MDC1: variants seen among roughly 807,000 people sequenced by gnomAD.
The protein encoded by MDC1 is mediator of DNA damage checkpoint protein 1.
A neutral mutation model predicts 142.5 loss-of-function variants in MDC1; 81 were observed. That is an observed-to-expected ratio of 0.57 (90% CI 0.47 to 0.68). The LOEUF (loss-of-function observed/expected upper bound fraction) is 0.68. MDC1 is among the 30% of genes least tolerant of loss of function. The pLI is 0.00. For synonymous variants in MDC1, 797 were observed against 968.4 expected (o/e 0.82, Z 3.29); for missense variants, 2,119 against 2,547.9 (o/e 0.83, Z 3.62).
chr6:30,708,146 A>G lies in MDC1; in HGVS notation c.2433T>C (p.Asp811=), dbSNP rs1405131141. Residue 811 remains aspartate, a synonymous_variant, in exon 8 of 15, where the codon GAT becomes GAC. Transcript: ENST00000376406. ...TTTCTTTTGGTATACCCATGACTTT[A>G]TCCACAGTCTGCCTCCCTCTGCCTT... ...GIQGRGRQTV[D]KVMGIPKETA... 6.2e-7 allele frequency: 1 copy of G among 1,612,712 alleles called. No homozygotes were observed. The highest frequency in any genetic ancestry group is 1.3e-5 in the African/African-American group (1 of 74,802).
In MDC1 at chr6:30,713,668, G is replaced by C. The variant is rs763488844; in HGVS notation, c.567C>G (p.Ser189=). 21 of 1,614,070 alleles carry C rather than the reference G, an allele frequency of 1.3e-5. No homozygotes were observed. In the South Asian group the frequency reaches 1.8e-4, roughly 14 times the overall value. ...RMVKKSRTTS[S]SVIVPESDEE... is the part of the protein sequence containing the mutation. ...CTCACCTCTCTGGAACTATCACAGA[G>C]GAAGATGTGGTCCTTGATTTTTTTA... The change falls in exon 4 of 15, where the codon TCC becomes TCG. Residue 189 remains serine, a synonymous_variant. Coordinates refer to ENST00000376406, the MANE Select transcript of MDC1 (RefSeq NM_014641.3). The surrounding 1 kb of genome is among the most constrained non-coding windows in gnomAD (Gnocchi z 4.9).
chr6:30,712,336 T>C lies in MDC1; in HGVS notation c.1606A>G (p.Ile536Val). The C allele has an allele frequency of 6.2e-7, 1 of 1,613,122 alleles. No homozygotes were observed. The highest frequency in any genetic ancestry group is 8.5e-7 in the Non-Finnish European group (1 of 1,180,046). ...GACACCTGATGCTTCTTTATATGTA[T>C]AATGGCTGACCCTGGCGGGACTTCC... ...EKEVPPGSAI[I>V]HIKKHQVSVE... The change falls in exon 5 of 15, where the codon ATA becomes GTA. Residue 536 changes from isoleucine to valine, a missense_variant. By Grantham distance (29) the Ile-to-Val change is conservative. Transcript: ENST00000376406. The surrounding 1 kb of genome is among the most constrained non-coding windows in gnomAD (Gnocchi z 4.7).
At chr6:30,714,278 C>A in intron 2 of MDC1, 95 bp from the exon 3 acceptor site, 13 of 1,302,080 alleles carry the variant, frequency 1.0e-5, no homozygotes, top group Non-Finnish European at 1.3e-5. Flanking sequence ...TCACTCAAGG[C>A]CTCCATATGC....
Position 30,717,000 on chromosome 6 carries a change from T to A in MDC1, c.-4+245A>T. The A allele has an allele frequency of 1.3e-6, 1 of 761,772 alleles. No homozygotes were observed. The highest frequency in any genetic ancestry group is 1.6e-6 in the Non-Finnish European group (1 of 625,938). 47.2% of individuals were successfully genotyped at this position (761,772 alleles called of 1,614,324 possible). On this transcript the variant is annotated intron_variant, in intron 1 of 14. Coordinates refer to ENST00000376406, the MANE Select transcript of MDC1 (RefSeq NM_014641.3). This position sits in a 1 kb window ranked among gnomAD's most constrained non-coding sequence, Gnocchi z 4.4. The stretch of plus-strand genomic sequence containing the variant: ...CAACTCAGCGGGTGCCCACCACGCT[T>A]GGCTCCAATTCAAAGAGCCACCATC...
chr6:30,710,925 T>C (rs758612440), intron 7 of MDC1, among the ~76,000 whole-genome samples: 30 of 152,034 alleles, frequency 2.0e-4, no homozygotes, highest in Middle Eastern at 3.4e-3. Context: ...TGGGCTAATT[T>C]TTTCATTTTT....
chr6:30,705,933 C>T lies in MDC1; in HGVS notation c.3250G>A (p.Asp1084Asn). 1 of 1,613,860 alleles carries T rather than the reference C, an allele frequency of 6.2e-7. No individual in the cohort carries two copies. The highest frequency in any genetic ancestry group is 8.5e-7 in the Non-Finnish European group (1 of 1,179,896). ...IKPTVRKTRQ[D>N]GSQEAPEAPL... Reference sequence around the variant, plus strand: ...GCCTCTGGAGCTTCCTGACTCCCATCTTGCCTGGTCTTACGAACGGTTGGC... The same window carrying T: ...GCCTCTGGAGCTTCCTGACTCCCATTTTGCCTGGTCTTACGAACGGTTGGC... Residue 1084 changes from aspartate to asparagine, a missense_variant, in exon 10 of 15, where the codon GAT becomes AAT. Physicochemically the swap from Asp to Asn is conservative, Grantham distance 23 (BLOSUM62 1). Coordinates refer to ENST00000376406, the MANE Select transcript of MDC1 (RefSeq NM_014641.3).
chr6:30,700,381 C>T lies in MDC1; in HGVS notation c.*84G>A. ...TTCCAGGACAAGTTGTATCAATATA[C>T]CCCAATCCTTTCTAACGCCCTGAGT... On this transcript the variant is annotated 3_prime_UTR_variant, in exon 15 of 15. Transcript: ENST00000376406. 6.9e-7 allele frequency: 1 copy of T among 1,447,276 alleles called. No individual in the cohort carries two copies. The highest frequency in any genetic ancestry group is 9.4e-7 in the Non-Finnish European group (1 of 1,058,518). 89.7% of individuals were successfully genotyped at this position (1,447,276 alleles called of 1,614,324 possible). A position where few individuals can be genotyped will look rare whatever the true frequency, so the allele number is the denominator to read the frequency against.
chr6:30,707,589 ACT>A lies in MDC1; in HGVS notation c.2988_2989del (p.Val997GlufsTer18). The A allele has an allele frequency of 6.2e-7, 1 of 1,612,224 alleles. No individual in the cohort carries two copies. The highest frequency in any genetic ancestry group is 8.5e-7 in the Non-Finnish European group (1 of 1,179,388). On this transcript the variant is annotated frameshift_variant, in exon 8 of 15. Transcript: ENST00000376406. LOFTEE classifies it high-confidence loss of function. ...ACCTTTCTGATGCCTCCTGGGGCTC[ACT>A]GGGGATCCCCTTCCACCTGACTGGC...
At position 30,713,685 on chromosome 6, in the gene MDC1, A is replaced by AT. The variant is rs1185288475; in HGVS notation, c.549dup (p.Ser184IlefsTer14). On this transcript the variant is annotated frameshift_variant, in exon 4 of 15. Coordinates refer to ENST00000376406, the MANE Select transcript of MDC1 (RefSeq NM_014641.3). LOFTEE classifies it high-confidence loss of function. The surrounding 1 kb of genome is among the most constrained non-coding windows in gnomAD (Gnocchi z 4.9). The stretch of plus-strand genomic sequence containing the variant: ...ATCACAGAGGAAGATGTGGTCCTTG[A>AT]TTTTTTTACCATACGCCTTTCAGAA... 4 of 1,613,988 alleles carry AT rather than the reference A, an allele frequency of 2.5e-6. No homozygotes were observed. The African/African-American group carries it at 5.3e-5, about 22-fold the overall frequency.
Position 30,705,477 on chromosome 6 carries a change from A to G in MDC1, c.3706T>C (p.Ser1236Pro), listed in dbSNP as rs981763303. ...ACAACTGGTTCAGGGGTCTTGACAG[A>G]GGATCTATTTTTTCTTCCCCTAGTA... Reference protein sequence around the residue: ...QATRGRKNRSSVKTPEPVVPT... With the variant: ...QATRGRKNRSPVKTPEPVVPT... Residue 1236 changes from serine to proline, a missense_variant, in exon 10 of 15, where the codon TCT becomes CCT. Transcript: ENST00000376406. The G allele has an allele frequency of 6.2e-7, 1 of 1,604,472 alleles. No homozygotes were observed. The highest frequency in any genetic ancestry group is 1.4e-5 in the African/African-American group (1 of 72,768).
Position 30,709,024 on chromosome 6 carries a change from A to G in MDC1, c.2222-667T>C, listed in dbSNP as rs1234787821. ...AGAAAGAAAAACATCATAGCCTAAT[A>G]AGAGAGTTCCCTGAATAGTCTCTCT... On this transcript the variant is annotated intron_variant, in intron 7 of 14. Coordinates refer to ENST00000376406, the MANE Select transcript of MDC1 (RefSeq NM_014641.3). This position sits in a 1 kb window ranked among gnomAD's most constrained non-coding sequence, Gnocchi z 4.2. Among the ~76,000 whole-genome samples the G allele has an allele frequency of 6.6e-6, 1 of 152,092 alleles. No homozygotes were observed. The highest frequency in any genetic ancestry group is 2.4e-5 in the African/African-American group (1 of 41,380).
At chr6:30,711,165 G>A (rs1321397654) in intron 7 of MDC1, among the ~76,000 whole-genome samples, 11 of 152,122 alleles carry the variant, frequency 7.2e-5, no homozygotes, top group South Asian at 4.1e-4. Flanking sequence ...ACTTGAGGTC[G>A]GGAGTTTGTG....
chr6:30,714,857 C>T (rs1041568721), intron 2 of MDC1, among the ~76,000 whole-genome samples, 183 bp downstream of exon 2: 8 of 152,068 alleles, frequency 5.3e-5, no homozygotes, highest in Non-Finnish European at 1.0e-4. Flanking sequence ...AGTAAAATCA[C>T]TTCCAGTGAG....
chr6:30,716,210 C>T lies in MDC1; in HGVS notation c.-3-1032G>A, dbSNP rs1029680780. Among the ~76,000 whole-genome samples, 1 of 151,728 alleles carries T rather than the reference C, an allele frequency of 6.6e-6. No homozygotes were observed. The highest frequency in any genetic ancestry group is 2.4e-5 in the African/African-American group (1 of 41,250). ...TTCTACCATCCTTTAAGATTCAGTT[C>T]AAATGTCACTTTCTTTCTTTTTTTT... On this transcript the variant is annotated intron_variant, in intron 1 of 14. Coordinates refer to ENST00000376406, the MANE Select transcript of MDC1 (RefSeq NM_014641.3). The surrounding 1 kb of genome is among the most constrained non-coding windows in gnomAD (Gnocchi z 4.4).
Position 30,708,357 on chromosome 6 carries a change from C to A in MDC1, c.2222G>T (p.Gly741Val). The A allele has an allele frequency of 6.2e-7, 1 of 1,604,112 alleles. No homozygotes were observed. Among genetic ancestry groups the A allele is most frequent in the Non-Finnish European group, 8.5e-7 (1 of 1,177,010 alleles). Residue 741 changes from glycine to valine, a missense_variant and splice_region_variant, in exon 8 of 15, where the codon GGT becomes GTT. Gly to Val is a moderately radical substitution (Grantham distance 109, BLOSUM62 -3). Coordinates refer to ENST00000376406, the MANE Select transcript of MDC1 (RefSeq NM_014641.3). ...GPSHCSFQTT[G>V]TLDEPWEVLA... ...GACCTCCCATGGTTCATCTAGGGTACCTGGAAGGGGAGGAAGGAAGAGAGA... is the reference window on the plus strand; with the variant it reads ...GACCTCCCATGGTTCATCTAGGGTAACTGGAAGGGGAGGAAGGAAGAGAGA...
At position 30,716,900 on chromosome 6, in the gene MDC1, A is replaced by G; in HGVS notation, c.-4+345T>C. On this transcript the variant is annotated intron_variant, in intron 1 of 14. Coordinates refer to ENST00000376406, the MANE Select transcript of MDC1 (RefSeq NM_014641.3). The surrounding 1 kb of genome is among the most constrained non-coding windows in gnomAD (Gnocchi z 4.4). ...AATTCACCTGAAAATATGCCACTCT[A>G]GAGGGAAACTGTTGACAGGTAGGGA... 2 of 984,814 alleles carry G rather than the reference A, an allele frequency of 2.0e-6. No homozygotes were observed. The highest frequency in any genetic ancestry group is 2.4e-6 in the Non-Finnish European group (2 of 829,324). The allele number at this position is 984,814 out of a possible 1,614,324, so 61.0% of individuals were successfully genotyped here.
At chr6:30,710,353 T>G (rs1774651359) in intron 7 of MDC1, among the ~76,000 whole-genome samples, 2 of 152,144 alleles carry the variant, frequency 1.3e-5, no homozygotes, top group Admixed American at 1.3e-4. Context: ...CTTCCCAAAG[T>G]GCTGGGATTA....
In MDC1 at chr6:30,707,524, A is replaced by G. The variant is rs758321277; in HGVS notation, c.3013+42T>C. On this transcript the variant is annotated intron_variant, in intron 8 of 14. Coordinates refer to ENST00000376406, the MANE Select transcript of MDC1 (RefSeq NM_014641.3). ...GGTTGCCCAGGGGTTGATTATCACG[A>G]GGCCTGTGTATCACCTTGGGTTCCC... 3.1e-6 allele frequency: 5 copies of G among 1,613,014 alleles called. No individual in the cohort carries two copies. The South Asian group carries it at 5.5e-5, about 18-fold the overall frequency.
rs960284181 is a variant in MDC1 at position 30,715,673 on chromosome 6, C to G, written c.-3-495G>C. On this transcript the variant is annotated intron_variant, in intron 1 of 14. Transcript: ENST00000376406. This position sits in a 1 kb window ranked among gnomAD's most constrained non-coding sequence, Gnocchi z 4.1. Reference sequence around the variant, plus strand: ...TCTTTTTTAGCCCATGCTTTTTATACTTTTACCAGACCACCTCAGTTTGAT... The same window carrying G: ...TCTTTTTTAGCCCATGCTTTTTATAGTTTTACCAGACCACCTCAGTTTGAT... 1.3e-5 allele frequency among the ~76,000 whole-genome samples: 2 copies of G among 152,112 alleles called. No homozygotes were observed. The highest frequency in any genetic ancestry group is 4.8e-5 in the African/African-American group (2 of 41,430).
Sources: allele counts gnomAD v4.1 joint callset (sites outside exome capture counted in the v4.1 genomes callset), GRCh38; gene constraint gnomAD v4.1.1; non-coding constraint Gnocchi (gnomAD v3.1); transcripts MANE v1.5; gene names NCBI Gene and HGNC (gene_info 2026-07-23, HGNC 2026-07-21).